CNGA1: variants seen among roughly 807,000 people sequenced by gnomAD.
The protein encoded by CNGA1 is cyclic nucleotide gated channel subunit alpha 1, also known as cyclic nucleotide-gated channel alpha-1.
A neutral mutation model predicts 69.7 loss-of-function variants in CNGA1; 53 were observed. The ratio of observed to expected loss-of-function variants is 0.76; its 90% confidence interval spans 0.61 to 0.96. The LOEUF is 0.96. CNGA1 is among the 40% of genes least tolerant of loss of function. The probability of loss-of-function intolerance (pLI) is 0.00; values close to 1 mark genes in which losing one functional copy is unlikely to be tolerated. For missense variants in CNGA1, 739 were observed against 811.2 expected, an observed-to-expected ratio of 0.91 and a Z score of 1.08; for synonymous variants, 249 against 283.5, an observed-to-expected ratio of 0.88 and a Z score of 1.22.
intron 2 of CNGA1, among the ~76,000 whole-genome samples, chr4:47,996,540 A>T (rs1742483724): frequency 6.6e-6 from 1 of 152,126 alleles, no homozygotes; most frequent in Non-Finnish European, 1.5e-5. Context: ...AACTCTTCAC[A>T]CCAGGCCTGG....
chr4:47,972,229 T>TA (rs1158680193), intron 3 of CNGA1, among the ~76,000 whole-genome samples: 5 of 152,358 alleles, frequency 3.3e-5, no homozygotes, highest in Non-Finnish European at 7.3e-5. Context: ...AGCCTATAAA[T>TA]ACATAATATT....
chr4:48,012,021 A>G (rs1013408475), intron 1 of CNGA1, among the ~76,000 whole-genome samples: 11 of 152,188 alleles, frequency 7.2e-5, no homozygotes, highest in African/African-American at 2.7e-4. Context: ...TAAAGATGCA[A>G]ATTCTCCCCT....
chr4:47,991,993 T>C (rs1742290848), intron 2 of CNGA1, among the ~76,000 whole-genome samples: 1 of 152,188 alleles, frequency 6.6e-6, no homozygotes, highest in East Asian at 1.9e-4. Context: ...TTAGGCTTAT[T>C]TCTGGGTTTT....
chr4:47,979,645 A>T (rs968895974), intron 3 of CNGA1, among the ~76,000 whole-genome samples: 3 of 152,212 alleles, frequency 2.0e-5, no homozygotes. Context: ...AGTAAAAAAT[A>T]TTTAGGATGC....
At chr4:48,003,689 A>G (rs986692819) in intron 2 of CNGA1, among the ~76,000 whole-genome samples, 1 of 152,166 alleles carries the variant, frequency 6.6e-6, no homozygotes, top group African/African-American at 2.4e-5. Context: ...ATACAGAGAT[A>G]GGAGCTGAGG....
Position 47,943,258 on chromosome 4 carries a change from G to T in CNGA1, c.360C>A (p.Asn120Lys). ...SKSDDKNENK[N>K]DPEKKKKKKD... ...TTTTCTTCTTTTTCTTCTCTGGGTC[G>T]TTTTTATTTTCGTTTTTATCATCTG... Residue 120 changes from asparagine (N) to lysine (K), a missense_variant, in exon 8 of 11, where the codon AAC becomes AAA. Asn to Lys is a moderately conservative substitution (Grantham distance 94). Coordinates refer to ENST00000514170, the MANE Select transcript of CNGA1 (RefSeq NM_001379270.1). The T allele has an allele frequency of 7.0e-6, 11 of 1,565,372 alleles. 1 individual carries two copies. The highest frequency in any genetic ancestry group is 4.7e-5 in the South Asian group (4 of 84,610).
intron 2 of CNGA1, among the ~76,000 whole-genome samples, chr4:47,991,367 G>A (rs914433389): frequency 3.9e-5 from 6 of 152,122 alleles, no homozygotes. Flanking sequence ...GGAGTAAGAT[G>A]GTATTGCATT....
intron 2 of CNGA1, among the ~76,000 whole-genome samples, chr4:47,984,805 T>G (rs1741915421): frequency 6.6e-6 from 1 of 152,072 alleles, no homozygotes; most frequent in Admixed American, 6.6e-5. Flanking sequence ...GTGGGTCTCC[T>G]TAATATTTTC....
rs903431357 is a variant in CNGA1 at position 47,975,421 on chromosome 4, A to G, written c.-15+5972T>C. On this transcript the variant is annotated intron_variant, in intron 3 of 10. Transcript: ENST00000514170. ...CATAATCATTATCATCATCTTCACA[A>G]TTCACAGAAAATGTTAAAGTAGTAT... Among the ~76,000 whole-genome samples, 90 of 152,190 alleles carry G rather than the reference A, an allele frequency of 5.9e-4. 1 individual carries two copies. Among genetic ancestry groups the G allele is most frequent in the Non-Finnish European group, 1.0e-4 (7 of 68,032 alleles).
At chr4:47,988,383 A>C (rs1014719448) in intron 2 of CNGA1, among the ~76,000 whole-genome samples, 1 of 152,204 alleles carries the variant, frequency 6.6e-6, no homozygotes, top group African/African-American at 2.4e-5. Flanking sequence ...TCAGTGCCTC[A>C]GTAATATTCA....
intron 2 of CNGA1, among the ~76,000 whole-genome samples, chr4:47,990,881 C>T (rs2581492): frequency 0.14 from 21,400 of 152,118 alleles, 1,836 homozygotes; most frequent in Middle Eastern, 0.22. Flanking sequence ...CACTTACGAG[C>T]GAGAATATAC....
rs1225053872 is a variant in CNGA1 at position 47,937,897 on chromosome 4, C to CT, written c.653-69dup. 12 of 1,229,220 alleles carry CT rather than the reference C, an allele frequency of 9.8e-6. No homozygotes were observed. In the East Asian group the frequency reaches 2.8e-4, roughly 29 times the overall value. The allele number at this position is 1,229,220 out of a possible 1,614,324, so 76.1% of individuals were successfully genotyped here. A position where few individuals can be genotyped will look rare whatever the true frequency, so the allele number is the denominator to read the frequency against. ...TGTCATTGTGAATTTTTGTGAATAACTGTCAATTAACTTTGTTGAGGTCAA... is the reference window on the plus strand; with the variant it reads ...TGTCATTGTGAATTTTTGTGAATAACTTGTCAATTAACTTTGTTGAGGTCAA... On this transcript the variant is annotated intron_variant, in intron 10 of 10. Transcript: ENST00000514170.
intron 2 of CNGA1, among the ~76,000 whole-genome samples, chr4:48,010,357 T>G (rs2109355689): frequency 6.6e-6 from 1 of 152,344 alleles, no homozygotes; most frequent in East Asian, 1.9e-4. Context: ...ATTTTAAGGT[T>G]AGACCACATG....
chr4:48,006,372 A>C (rs899869738), intron 2 of CNGA1, among the ~76,000 whole-genome samples: 1 of 152,204 alleles, frequency 6.6e-6, no homozygotes, highest in Non-Finnish European at 1.5e-5. Context: ...TGCACACAAT[A>C]ATTTAACATA....
rs540516752 is a variant in CNGA1, at chr4:48,005,340, A to T, written c.-123+5454T>A. On this transcript the variant is annotated intron_variant, in intron 2 of 10. Transcript: ENST00000514170. Reference sequence around the variant, plus strand: ...TCCATCTTGGCCAGGCTGGTCTCGAACTCCTGAACTCATGATCCATCCACC... The same window carrying T: ...TCCATCTTGGCCAGGCTGGTCTCGATCTCCTGAACTCATGATCCATCCACC... Among the ~76,000 whole-genome samples, 4 of 151,910 alleles carry T rather than the reference A, an allele frequency of 2.6e-5. No homozygotes were observed. In the Middle Eastern group the frequency reaches 0.014, roughly 517 times the overall value.
intron 2 of CNGA1, among the ~76,000 whole-genome samples, chr4:48,009,842 CT>C (rs1454269043): frequency 1.7e-4 from 26 of 151,998 alleles, no homozygotes; most frequent in African/African-American, 6.0e-4. Context: ...CTAGTCTTCC[CT>C]TTTTTTTAAG....
Position 47,942,072 on chromosome 4 carries a change from C to G in CNGA1, c.514G>C (p.Val172Leu), listed in dbSNP as rs1166612130. Reference sequence around the variant, plus strand: ...ATAACCATTGTCCAGTTGTACATAACAGGTAATGTGATGCAAAACAGCCAG... The same window carrying G: ...ATAACCATTGTCCAGTTGTACATAAGAGGTAATGTGATGCAAAACAGCCAG... The part of the protein sequence containing the change: ...YNWLFCITLP[V>L]MYNWTMVIAR... Residue 172 changes from valine (V) to leucine (L), a missense_variant, in exon 9 of 11, where the codon GTT becomes CTT. Physicochemically the swap from Val to Leu is conservative, Grantham distance 32. Transcript: ENST00000514170. The G allele has an allele frequency of 6.2e-7, 1 of 1,609,188 alleles. No homozygotes were observed. Among genetic ancestry groups the G allele is most frequent in the African/African-American group, 1.3e-5 (1 of 74,422 alleles).
chr4:48,013,422 T>A (rs920708800), intron 1 of CNGA1, among the ~76,000 whole-genome samples: 123 of 152,286 alleles, frequency 8.1e-4, no homozygotes, highest in African/African-American at 2.8e-3. Flanking sequence ...TAGGGACACA[T>A]GAGACATCAA....
In CNGA1 at chr4:47,940,732, T is replaced by C. The variant is rs146075497; in HGVS notation, c.652+31A>G. 8 of 1,361,198 alleles carry C rather than the reference T, an allele frequency of 5.9e-6. No homozygotes were observed. The Middle Eastern group carries it at 5.6e-4, about 96-fold the overall frequency. The allele number at this position is 1,361,198 out of a possible 1,614,324, so 84.3% of individuals were successfully genotyped here. A position where few individuals can be genotyped will look rare whatever the true frequency, so the allele number is the denominator to read the frequency against. ...CAATGCTAGAGATAAAAGCATGAAA[T>C]TTTAAAATATTCAAAACTGAACATA... On this transcript the variant is annotated intron_variant, in intron 10 of 10. Transcript: ENST00000514170.
Sources: allele counts gnomAD v4.1 joint callset (sites outside exome capture counted in the v4.1 genomes callset), GRCh38; gene constraint gnomAD v4.1.1; transcripts MANE v1.5; gene names NCBI Gene and HGNC (gene_info 2026-07-23, HGNC 2026-07-21).